KCP: variants seen among roughly 807,000 people sequenced by gnomAD.
KCP encodes the protein kielin/chordin-like protein.
Under a neutral mutation model 212.7 loss-of-function variants are expected in KCP, and 194 were observed. The ratio of observed to expected loss-of-function variants is 0.91; its 90% CI spans 0.81 to 1.03. KCP has a LOEUF of 1.03. KCP is among the 50% of genes least tolerant of loss of function. The pLI, the probability that KCP is intolerant of heterozygous loss-of-function variation, is 0.00. For missense variants in KCP, 2,080 were observed against 2,162.5 expected, an observed-to-expected ratio of 0.96 and a Z score of 0.76; for synonymous variants, 833 against 865.3, an observed-to-expected ratio of 0.96 and a Z score of 0.65.
Position 128,908,251 on chromosome 7 carries a change from GAAGAAAGAA to G in KCP, c.219+166_219+174del, listed in dbSNP as rs1180540039. ...AGGAAAGAAGAAAGGAAGAAAGAAAGAAGAAAGAAAGAAAGAAAGAAAGAAAGAAAGAAA... is the reference window on the plus strand; with the variant it reads ...AGGAAAGAAGAAAGGAAGAAAGAAAGAGAAAGAAAGAAAGAAAGAAAGAAA... On this transcript the variant is annotated intron_variant, in intron 2 of 39. Coordinates refer to ENST00000610776, the MANE Select transcript of KCP (RefSeq NM_001366122.1). 1.2e-3 allele frequency among the ~76,000 whole-genome samples: 121 copies of G among 101,274 alleles called. 2 individuals carry two copies. Among genetic ancestry groups the G allele is most frequent in the African/African-American group, 4.5e-3 (115 of 25,840 alleles). The allele number at this position is 101,274 out of a possible 152,430, so 66.4% of individuals were successfully genotyped here.
intron 16 of KCP, 73 bp downstream of exon 16, chr7:128,892,441 T>C (rs1794215023): frequency 3.6e-6 from 4 of 1,110,554 alleles, no homozygotes; most frequent in Non-Finnish European, 5.1e-6. Flanking sequence ...AAGGTACCTG[T>C]TGGGCCCATG....
At chr7:128,890,104 G>C in intron 21 of KCP, 1 of 612,846 alleles carries the variant, frequency 1.6e-6, no homozygotes, top group South Asian at 2.1e-5. Context: ...TTTTTGTGTA[G>C]AGACAAGATC....
chr7:128,889,065 G>A (rs985783200), intron 21 of KCP, 26 bp from the exon 22 acceptor site: 7 of 1,467,570 alleles, frequency 4.8e-6, no homozygotes, highest in Middle Eastern at 1.8e-4. Flanking sequence ...CAGAGAGGCC[G>A]AGGGGAGGGA....
intron 8 of KCP, among the ~76,000 whole-genome samples, chr7:128,898,575 T>C (rs1794661731): frequency 6.6e-6 from 1 of 152,228 alleles, no homozygotes; most frequent in African/African-American, 2.4e-5. Flanking sequence ...GGATTAACAC[T>C]GTAACATGTA....
chr7:128,885,019 C>G (rs1229153394), intron 27 of KCP, 78 bp downstream of exon 27: 2 of 1,533,528 alleles, frequency 1.3e-6, no homozygotes, highest in Non-Finnish European at 1.8e-6. Flanking sequence ...TCTCTGCCAC[C>G]CGGCCCAGCA....
Position 128,902,809 on chromosome 7 carries a change from G to T in KCP, c.799C>A (p.Pro267Thr). The change falls in exon 8 of 40, where the codon CCT (proline) becomes ACT (threonine). Residue 267 changes from proline to threonine, a missense_variant. Transcript: ENST00000610776. ...CGGCAGATTCGGCAGGGGTCCCCAG[G>T]TGTTGTCCACTCTTGGCCATGTTCC... Reference protein sequence around the residue: ...HWEHGQEWTTPGDPCRICRCL... With the variant: ...HWEHGQEWTTTGDPCRICRCL... 6.4e-7 allele frequency: 1 copy of T among 1,551,562 alleles called. No individual in the cohort carries two copies. The highest frequency in any genetic ancestry group is 1.2e-5 in the South Asian group (1 of 84,068).
At chr7:128,909,592 C>T (rs1427201968) in intron 1 of KCP, among the ~76,000 whole-genome samples, 1 of 152,126 alleles carries the variant, frequency 6.6e-6, no homozygotes, top group Non-Finnish European at 1.5e-5. Flanking sequence ...AATACATCCC[C>T]CCCTTCTCCT....
chr7:128,888,448 C>CCA (rs375968363), intron 22 of KCP, among the ~76,000 whole-genome samples: 1 of 114,802 alleles, frequency 8.7e-6, no homozygotes. Context: ...ATACACACGG[C>CCA]CACACACACA....
chr7:128,891,352 C>A (rs1585221837), intron 18 of KCP, 74 bp from the exon 19 acceptor site: 7 of 1,546,410 alleles, frequency 4.5e-6, no homozygotes, highest in Non-Finnish European at 6.1e-6. Context: ...CCACCCAGTG[C>A]CACCAGGTCC....
At chr7:128,893,530 T>C in intron 11 of KCP, 54 bp from the exon 12 acceptor site, 2 of 1,346,514 alleles carry the variant, frequency 1.5e-6, no homozygotes, top group South Asian at 2.5e-5. Context: ...GAGGGGAAGC[T>C]TCACGTCACC....
Position 128,903,795 on chromosome 7 carries a change from AG to A in KCP, c.679del (p.Leu227Ter). 1 of 1,429,002 alleles carries A rather than the reference AG, an allele frequency of 7.0e-7. No homozygotes were observed. The highest frequency in any genetic ancestry group is 9.3e-7 in the Non-Finnish European group (1 of 1,073,206). 88.5% of individuals were successfully genotyped at this position (1,429,002 alleles called of 1,614,324 possible). Reference sequence around the variant, plus strand: ...TGGGCAGGGGCTAGGCGGGCACTTCAGGGCCATGCAGCGAACTCGGCTCCTC... The same window carrying A: ...TGGGCAGGGGCTAGGCGGGCACTTCAGGCCATGCAGCGAACTCGGCTCCTC... Reference protein sequence around the residue: ...CLRSRVRCMALKCPPSPCPEP... With the variant: ...CLRSRVRCMAXKCPPSPCPEP... On this transcript the variant is annotated frameshift_variant, in exon 7 of 40. Transcript: ENST00000610776. LOFTEE classifies it high-confidence loss of function.
chr7:128,890,187 C>T (rs897364633), intron 21 of KCP, 156 bp downstream of exon 21: 37 of 1,406,892 alleles, frequency 2.6e-5, no homozygotes, highest in Middle Eastern at 1.8e-4. Flanking sequence ...CCCAAATTGT[C>T]GGGGTCACAG....
At chr7:128,883,306 A>G (rs941664513) in intron 29 of KCP, among the ~76,000 whole-genome samples, 1 of 151,612 alleles carries the variant, frequency 6.6e-6, no homozygotes, top group Non-Finnish European at 1.5e-5. Context: ...TGCCCAGCTA[A>G]TTTTTGTATT....
At position 128,910,627 on chromosome 7, in the gene KCP, GC is replaced by G. The variant is rs11335250; in HGVS notation, c.49del (p.Ala17ProfsTer51). Reference protein sequence around the residue: ...AALSLLLHLGALALAAGAEGG... With the variant: ...AALSLLLHLGXLALAAGAEGG... ...TTCCGCGCCCGCGGCCAGCGCCAGG[GC>G]CCCGAGGTGCAGGAGAAGGGACAGC... On this transcript the variant is annotated frameshift_variant, in exon 1 of 40. Coordinates refer to ENST00000610776, the MANE Select transcript of KCP (RefSeq NM_001366122.1). LOFTEE classifies it high-confidence loss of function. 6.6e-7 allele frequency: 1 copy of G among 1,517,308 alleles called. No individual in the cohort carries two copies. The allele number at this position is 1,517,308 out of a possible 1,614,324, so 94.0% of individuals were successfully genotyped here. A position where few individuals can be genotyped will look rare whatever the true frequency, so the allele number is the denominator to read the frequency against.
rs868312351 is a variant in KCP, at chr7:128,891,301, C to T, written c.1879-23G>A. 4.7e-5 allele frequency: 72 copies of T among 1,547,512 alleles called. 1 individual carries two copies. The Middle Eastern group carries it at 3.8e-3, about 82-fold the overall frequency. ...GCTCTACGGACCGACAGACGCACCA[C>T]GGGTCAGTGGGTTAGTTGGGGGAGG... On this transcript the variant is annotated intron_variant, in intron 18 of 39. Transcript: ENST00000610776.
At chr7:128,895,098 G>A (rs1302184057) in intron 8 of KCP, among the ~76,000 whole-genome samples, 5 of 152,136 alleles carry the variant, frequency 3.3e-5, no homozygotes, top group Non-Finnish European at 7.3e-5. Context: ...CCCACACCTT[G>A]ATCTCACACT....
intron 26 of KCP, 51 bp from the exon 27 acceptor site, chr7:128,885,321 C>A: frequency 6.7e-7 from 1 of 1,494,504 alleles, no homozygotes. Context: ...ATCTGGACAT[C>A]TGCTCCTGGC....
intron 8 of KCP, among the ~76,000 whole-genome samples, chr7:128,897,944 TTGTC>T (rs1341674240): frequency 3.3e-5 from 5 of 152,350 alleles, no homozygotes; most frequent in East Asian, 1.9e-4. Context: ...ATATTGTAGA[TTGTC>T]TGTGTGAGTC....
In KCP at chr7:128,878,717, C is replaced by T. The variant is rs1437666875; in HGVS notation, c.4152G>A (p.Leu1384=). The T allele has an allele frequency of 1.9e-6, 3 of 1,549,290 alleles. No homozygotes were observed. The highest frequency in any genetic ancestry group is 3.9e-5 in the Admixed American group (2 of 50,966). ...CCTCCACCTGGGACTGCCCATCCCA[C>T]AGCACCTGTGTGGAGAGGCCTGAGA... is the stretch of plus-strand genomic sequence containing the variant. The part of the protein sequence containing the change: ...ILHAQPGLQV[L]WDGQSQVEVS... Residue 1384 remains leucine (L), a synonymous_variant, in exon 38 of 40, where the codon CTG becomes CTA. Coordinates refer to ENST00000610776, the MANE Select transcript of KCP (RefSeq NM_001366122.1).
Sources: gnomAD v4.1 joint callset for allele counts (sites outside exome capture counted in the v4.1 genomes callset) on GRCh38, gnomAD v4.1.1 for gene constraint, MANE v1.5 for transcripts, NCBI Gene and HGNC (gene_info 2026-07-23, HGNC 2026-07-21) for gene names.